Variants in NBAS observed in about 807,000 individuals in gnomAD.
NBAS encodes NBAS subunit of NRZ tethering complex.
NBAS carries 219 observed loss-of-function variants against 302.5 expected under a neutral mutation model. The observed-to-expected ratio is 0.72, with a 90% CI of 0.65 to 0.81. The LOEUF is 0.81. NBAS is among the 30% of genes least tolerant of loss of function. The pLI is 0.00. For synonymous variants in NBAS, 1,118 were observed against 1,021.6 expected (o/e 1.09, Z -1.80); for missense variants, 2,932 against 2,841.6 (o/e 1.03, Z -0.72).
chr2:14,930,945 T>C, the NBAS span, among the ~76,000 whole-genome samples: 25 of 152,342 alleles, frequency 1.6e-4, no homozygotes, highest in African/African-American at 6.0e-4. Context: ...ATATCTACCC[T>C]TCTCCAACAA....
At position 15,292,710 on chromosome 2, in the gene NBAS, G is replaced by A. The variant is rs371291813; in HGVS notation, c.4854C>T (p.His1618=). Residue 1618 remains histidine (H), a synonymous_variant, in exon 41 of 52, where the codon CAC becomes CAT. Transcript: ENST00000281513. ...MVTRHVTRHE[H]EAWPEDLISL... is the part of the protein sequence containing the mutation. ...AAATAAGGTCTTCAGGCCAGGCTTCGTGCTCATGTCGAGTCACATGCCTGG... is the reference window on the plus strand; with the variant it reads ...AAATAAGGTCTTCAGGCCAGGCTTCATGCTCATGTCGAGTCACATGCCTGG... The A allele has an allele frequency of 4.5e-5, 73 of 1,614,056 alleles. No homozygotes were observed. Among genetic ancestry groups the A allele is most frequent in the Non-Finnish European group, 5.5e-5 (65 of 1,180,050 alleles).
chr2:14,888,454 C>T, the NBAS span, among the ~76,000 whole-genome samples: 2 of 149,976 alleles, frequency 1.3e-5, no homozygotes, highest in South Asian at 4.2e-4. Flanking sequence ...CCCGGCCCCC[C>T]CTTTTTTTTT....
At chr2:15,421,563 AT>A (rs1677213868) in intron 23 of NBAS, among the ~76,000 whole-genome samples, 1 of 152,104 alleles carries the variant, frequency 6.6e-6, no homozygotes, top group African/African-American at 2.4e-5. Flanking sequence ...ACTATGTCAG[AT>A]ATCACTTTGA....
chr2:14,947,710 C>T, the NBAS span, among the ~76,000 whole-genome samples: 26 of 151,978 alleles, frequency 1.7e-4, 1 homozygote, highest in Non-Finnish European at 2.9e-4. Flanking sequence ...CTCTTATTCC[C>T]ATTTTTAGAG....
At chr2:15,424,565 T>C in intron 22 of NBAS, 97 bp from the exon 23 acceptor site, 3 of 1,373,384 alleles carry the variant, frequency 2.2e-6, no homozygotes, top group Admixed American at 3.4e-5. Context: ...GGGGAGAAAG[T>C]AAGAGACAGG....
intron 49 of NBAS, among the ~76,000 whole-genome samples, chr2:15,187,237 T>C (rs1665131367): frequency 6.6e-6 from 1 of 152,150 alleles, no homozygotes; most frequent in Non-Finnish European, 1.5e-5. Flanking sequence ...GGGCCTCAGT[T>C]TTTTTCACTG....
intron 40 of NBAS, among the ~76,000 whole-genome samples, chr2:15,294,799 C>A (rs766257770): frequency 6.6e-6 from 1 of 152,122 alleles, no homozygotes; most frequent in African/African-American, 2.4e-5. Context: ...TTCCTAGTGC[C>A]CCAGATTTAC....
At chr2:15,077,684 T>A in the NBAS span, among the ~76,000 whole-genome samples, 1 of 149,596 alleles carries the variant, frequency 6.7e-6, no homozygotes, top group Non-Finnish European at 1.5e-5. Context: ...TTCTTTCTTT[T>A]TTTTTCTTTT....
chr2:15,543,296 T>A (rs559318956), intron 6 of NBAS, among the ~76,000 whole-genome samples: 1 of 152,244 alleles, frequency 6.6e-6, no homozygotes, highest in South Asian at 2.1e-4. Context: ...TCCCTAACAC[T>A]CCACTGGCTT....
chr2:15,329,966 A>G (rs73197055), intron 36 of NBAS, among the ~76,000 whole-genome samples: 10,904 of 152,246 alleles, frequency 0.072, 1,018 homozygotes, highest in African/African-American at 0.22. Flanking sequence ...TCCACAGGAG[A>G]AGGGAATTAG....
Position 15,331,363 on chromosome 2 carries a change from G to A in NBAS, c.4180-598C>T, listed in dbSNP as rs146708724. 7.4e-4 allele frequency among the ~76,000 whole-genome samples: 112 copies of A among 152,294 alleles called. 1 individual carries two copies. Among genetic ancestry groups the A allele is most frequent in the African/African-American group, 2.4e-3 (100 of 41,572 alleles). On this transcript the variant is annotated intron_variant, in intron 35 of 51. Coordinates refer to ENST00000281513, the MANE Select transcript of NBAS (RefSeq NM_015909.4). ...CATTTACTAATCTGAGAGATTCCAC[G>A]AGGAGAAAATGTCAATACATTAATT...
the NBAS span, among the ~76,000 whole-genome samples, chr2:15,020,175 G>A: frequency 2.6e-5 from 4 of 152,158 alleles, no homozygotes; most frequent in Non-Finnish European, 5.9e-5. Flanking sequence ...GTTTCCAAAG[G>A]AAGAAAGGGC....
intron 31 of NBAS, among the ~76,000 whole-genome samples, chr2:15,367,752 G>A (rs1445434349): frequency 1.3e-5 from 2 of 152,182 alleles, no homozygotes; most frequent in Admixed American, 6.5e-5. Context: ...ATAAAGAAGA[G>A]AGGTGGTATT....
chr2:14,895,739 C>CAAAAAAAAAAAAAAAA, the NBAS span, among the ~76,000 whole-genome samples: 4 of 95,458 alleles, frequency 4.2e-5, no homozygotes, highest in African/African-American at 1.5e-4. Context: ...GACTCCGTCT[C>CAAAAAAAAAAAAAAAA]AAAAAAAAAA....
At chr2:14,974,354 A>G in the NBAS span, among the ~76,000 whole-genome samples, 1 of 152,204 alleles carries the variant, frequency 6.6e-6, no homozygotes, top group Non-Finnish European at 1.5e-5. Flanking sequence ...GCAGGTATAG[A>G]GTGGGATCTT....
At chr2:14,965,886 T>A in the NBAS span, among the ~76,000 whole-genome samples, 1 of 152,212 alleles carries the variant, frequency 6.6e-6, no homozygotes, top group Non-Finnish European at 1.5e-5. Context: ...TAACCCTTGG[T>A]ACTTGTGAAT....
rs750371010 is a variant in NBAS at position 15,504,217 on chromosome 2, C to A, written c.886-4G>T. 1 of 1,605,076 alleles carries A rather than the reference C, an allele frequency of 6.2e-7. No individual in the cohort carries two copies. The highest frequency in any genetic ancestry group is 1.7e-5 in the Admixed American group (1 of 59,984). On this transcript the variant is annotated splice_polypyrimidine_tract_variant and splice_region_variant and intron_variant, in intron 10 of 51. Transcript: ENST00000281513. ...ATAATCCCAGTGTCTTCGGTACCTG[C>A]AAAATAAATGCATCATATGAAGAAA...
At chr2:15,362,943 C>T (rs887450361) in intron 32 of NBAS, among the ~76,000 whole-genome samples, 1 of 152,042 alleles carries the variant, frequency 6.6e-6, no homozygotes, top group African/African-American at 2.4e-5. Context: ...AGAGATGGGG[C>T]CAGGCGCAGT....
At chr2:15,092,324 A>G in the NBAS span, among the ~76,000 whole-genome samples, 5 of 152,140 alleles carry the variant, frequency 3.3e-5, no homozygotes, top group Non-Finnish European at 7.4e-5. Flanking sequence ...AAATCTACCT[A>G]AGATGGTTTC....
Sources: allele counts gnomAD v4.1 joint callset (sites outside exome capture counted in the v4.1 genomes callset), GRCh38; gene constraint gnomAD v4.1.1; transcripts MANE v1.5; gene names NCBI Gene and HGNC (gene_info 2026-07-23, HGNC 2026-07-21).